Variants in SMARCA2 observed in about 807,000 individuals in gnomAD.
The protein encoded by SMARCA2 is SWI/SNF related BAF chromatin remodeling complex subunit ATPase 2.
SMARCA2 carries 61 observed loss-of-function variants against 199.8 expected under a neutral mutation model. The observed-to-expected ratio is 0.31, with a 90% CI of 0.25 to 0.38. The LOEUF (loss-of-function observed/expected upper bound fraction) is 0.38, where lower values mean the gene tolerates loss of function less well. Ranked by LOEUF, SMARCA2 falls within the 10% of genes least tolerant of loss-of-function variation. The probability of loss-of-function intolerance (pLI) is 1.00; values close to 1 mark genes in which losing one functional copy is unlikely to be tolerated. For synonymous variants in SMARCA2, 935 were observed against 732.0 expected, an observed-to-expected ratio of 1.28 and a Z score of -4.48; for missense variants, 1,344 against 2,012.2, an observed-to-expected ratio of 0.67 and a Z score of 6.35.
At position 2,039,776 on chromosome 9, in the gene SMARCA2, A is replaced by ACAGCAGCAGCAGCAGCAGCAGCAGCAG. The variant is rs113070757; in HGVS notation, c.681_707dup (p.Gln230_Gln238dup). ...GCTTGCAGCAACAACAGCAGCAGCA[A>ACAGCAGCAGCAGCAGCAGCAGCAGCAG]CAGCAGCAGCAGCAGCAGCAGCAGC... On this transcript the variant is annotated inframe_insertion, in exon 4 of 34. Coordinates refer to ENST00000349721, the MANE Select transcript of SMARCA2 (RefSeq NM_003070.5). This position sits in a 1 kb window ranked among gnomAD's most constrained non-coding sequence, Gnocchi z 4.8. 8.8e-6 allele frequency: 14 copies of ACAGCAGCAGCAGCAGCAGCAGCAGCAG among 1,596,250 alleles called. No homozygotes were observed. The highest frequency in any genetic ancestry group is 2.3e-5 in the East Asian group (1 of 43,544).
intron 27 of SMARCA2, among the ~76,000 whole-genome samples, chr9:2,132,580 G>A (rs778965343): frequency 6.6e-6 from 1 of 152,100 alleles, no homozygotes. Flanking sequence ...TGTAAACATG[G>A]ACCCTTTTTT....
chr9:2,132,189 C>G (rs965741471), intron 27 of SMARCA2, among the ~76,000 whole-genome samples: 1 of 152,118 alleles, frequency 6.6e-6, no homozygotes, highest in Non-Finnish European at 1.5e-5. Context: ...GGTTAAAGAA[C>G]AAGACATTTG....
chr9:2,157,022 A>G (rs1471119421), intron 27 of SMARCA2, among the ~76,000 whole-genome samples: 1 of 152,172 alleles, frequency 6.6e-6, no homozygotes, highest in East Asian at 1.9e-4. Context: ...GACAGTAATA[A>G]TCAAAAACTT....
chr9:2,177,728 T>A (rs1396326830), intron 29 of SMARCA2, among the ~76,000 whole-genome samples: 3 of 151,946 alleles, frequency 2.0e-5, no homozygotes, highest in Non-Finnish European at 4.4e-5. Context: ...AATTTTGTAT[T>A]TTTAGTAGAG....
chr9:2,089,813 T>G (rs7853358), intron 19 of SMARCA2, among the ~76,000 whole-genome samples: 3 of 152,112 alleles, frequency 2.0e-5, no homozygotes, highest in Non-Finnish European at 4.4e-5. Context: ...TGTGGGTGCC[T>G]TGAATTACTT....
At chr9:2,095,627 T>G (rs1338394849) in intron 19 of SMARCA2, among the ~76,000 whole-genome samples, 1 of 152,216 alleles carries the variant, frequency 6.6e-6, no homozygotes, top group Non-Finnish European at 1.5e-5. Context: ...CATGAAAATG[T>G]GTGGCCAGAA....
intron 25 of SMARCA2, among the ~76,000 whole-genome samples, chr9:2,118,398 C>A (rs957637042): frequency 1.3e-5 from 2 of 152,154 alleles, no homozygotes. Flanking sequence ...TCCTGCAGTG[C>A]GAAAGACGTT....
Position 2,170,684 on chromosome 9 carries a change from C to T in SMARCA2, c.4253+212C>T, listed in dbSNP as rs1369393119. ...GTGCTGTATTTTAATCTGGCTGTGC[C>T]AATTCTATACATGCACTCCTTACAA... On this transcript the variant is annotated intron_variant, in intron 29 of 33. Transcript: ENST00000349721. The surrounding 1 kb of genome is among the most constrained non-coding windows in gnomAD (Gnocchi z 4.7). Among the ~76,000 whole-genome samples the T allele has an allele frequency of 6.6e-6, 1 of 152,148 alleles. No homozygotes were observed. The highest frequency in any genetic ancestry group is 1.5e-5 in the Non-Finnish European group (1 of 68,030).
chr9:2,029,472 T>C (rs542973963), intron 2 of SMARCA2, among the ~76,000 whole-genome samples: 1 of 152,348 alleles, frequency 6.6e-6, no homozygotes, highest in South Asian at 2.1e-4. Flanking sequence ...AATACTGACA[T>C]AGACTATGCA....
intron 13 of SMARCA2, among the ~76,000 whole-genome samples, 164 bp downstream of exon 13, chr9:2,076,493 C>T (rs1220899108): frequency 6.6e-6 from 1 of 151,822 alleles, no homozygotes; most frequent in African/African-American, 2.4e-5. Flanking sequence ...TCCCAGGTCT[C>T]GGGGTTTCGT....
At chr9:2,154,031 G>A (rs576291668) in intron 27 of SMARCA2, among the ~76,000 whole-genome samples, 1 of 152,326 alleles carries the variant, frequency 6.6e-6, no homozygotes, top group African/African-American at 2.4e-5. Context: ...TGGTAGTTAA[G>A]GGTGTGGTTT....
chr9:2,032,977 G>C lies in SMARCA2; in HGVS notation c.251G>C (p.Gly84Ala), dbSNP rs1007247960. The C allele has an allele frequency of 1.9e-6, 3 of 1,613,970 alleles. No individual in the cohort carries two copies. The highest frequency in any genetic ancestry group is 2.5e-6 in the Non-Finnish European group (3 of 1,179,896). ...CCCATCGATGGTATACATGACAAGG[G>C]GATTGTAGAAGACATCCATTGTGGA... ...HKPIDGIHDK[G>A]IVEDIHCGSM... The change falls in exon 3 of 34, where the codon GGG (glycine) becomes GCG (alanine). Residue 84 changes from glycine (G) to alanine (A), a missense_variant. Physicochemically the swap from Gly to Ala is moderately conservative, Grantham distance 60. Around this residue, in one of 18 missense-constraint regions of SMARCA2, gnomAD observed 275 missense variants for 247.5 expected, o/e 1.11. Transcript: ENST00000349721.
intron 3 of SMARCA2, among the ~76,000 whole-genome samples, chr9:2,034,551 A>G (rs1003392101): frequency 2.0e-5 from 3 of 152,230 alleles, no homozygotes; most frequent in Admixed American, 1.3e-4. Context: ...ATTAATATGT[A>G]GTTATTCCAA....
At chr9:2,176,693 C>T (rs1030369150) in intron 29 of SMARCA2, among the ~76,000 whole-genome samples, 18 of 151,516 alleles carry the variant, frequency 1.2e-4, no homozygotes, top group African/African-American at 4.4e-4. Flanking sequence ...CTTGGGACTA[C>T]AGGCACATGC....
At position 2,096,708 on chromosome 9, in the gene SMARCA2, C is replaced by A; in HGVS notation, c.2935C>A (p.Arg979Ser). 1.2e-6 allele frequency: 2 copies of A among 1,613,882 alleles called. No homozygotes were observed. The highest frequency in any genetic ancestry group is 1.7e-6 in the Non-Finnish European group (2 of 1,179,788). The change falls in exon 20 of 34, where the codon CGC (arginine) becomes AGC (serine). Residue 979 changes from arginine to serine, a missense_variant. Physicochemically the swap from Arg to Ser is moderately radical, Grantham distance 110 (BLOSUM62 -1). Transcript: ENST00000349721. Reference sequence around the variant, plus strand: ...GTCAGCTCTGCAGAAGATTCTGTATCGCCATATGCAAGCCAAGGGGATCCT... The same window carrying A: ...GTCAGCTCTGCAGAAGATTCTGTATAGCCATATGCAAGCCAAGGGGATCCT... ...DMSALQKILY[R>S]HMQAKGILLT... is the part of the protein sequence containing the mutation.
intron 27 of SMARCA2, among the ~76,000 whole-genome samples, chr9:2,159,165 C>T (rs574248034): frequency 4.6e-5 from 7 of 152,180 alleles, no homozygotes; most frequent in African/African-American, 1.4e-4. Flanking sequence ...CTTTTTCCCT[C>T]TTTTCAAAAT....
At chr9:2,021,408 A>G (rs1340474781) in intron 1 of SMARCA2, among the ~76,000 whole-genome samples, 1 of 152,234 alleles carries the variant, frequency 6.6e-6, no homozygotes, top group African/African-American at 2.4e-5. Context: ...CAGGTTATCC[A>G]AGGGAAATTC....
intron 27 of SMARCA2, among the ~76,000 whole-genome samples, chr9:2,145,047 C>G (rs2130699540): frequency 6.6e-6 from 1 of 152,268 alleles, no homozygotes; most frequent in South Asian, 2.1e-4. Context: ...TGCCTGTAAT[C>G]CCAGCATTTT....
intron 27 of SMARCA2, chr9:2,160,329 C>G: frequency 2.2e-6 from 1 of 464,364 alleles, no homozygotes; most frequent in Non-Finnish European, 3.8e-6. Flanking sequence ...TTATTAAGGC[C>G]TAGGCTCAGA....
Sources: gnomAD v4.1 joint callset for allele counts (sites outside exome capture counted in the v4.1 genomes callset) on GRCh38, gnomAD v4.1.1 for gene constraint, gnomAD v4.1.1 regional missense constraint, Gnocchi (gnomAD v3.1) non-coding constraint, MANE v1.5 for transcripts, NCBI Gene and HGNC (gene_info 2026-07-23, HGNC 2026-07-21) for gene names.